AQR: variants seen among roughly 807,000 people sequenced by gnomAD.
AQR encodes the protein aquarius intron-binding spliceosomal factor.
Under a neutral mutation model 180.5 loss-of-function variants are expected in AQR, and 61 were observed. The ratio of observed to expected loss-of-function variants is 0.34; its 90% CI spans 0.28 to 0.42. The LOEUF is 0.42. Ranked by LOEUF, AQR falls within the 10% of genes least tolerant of loss-of-function variation. The pLI is 1.00. For missense variants in AQR, 1,281 were observed against 1,798.3 expected, an observed-to-expected ratio of 0.71 and a Z score of 5.20; for synonymous variants, 551 against 588.8, an observed-to-expected ratio of 0.94 and a Z score of 0.93.
intron 10 of AQR, among the ~76,000 whole-genome samples, 173 bp from the exon 11 acceptor site, chr15:34,932,607 A>G (rs761902867): frequency 6.6e-6 from 1 of 152,158 alleles, no homozygotes; most frequent in African/African-American, 2.4e-5. Flanking sequence ...AAATAAACCC[A>G]GTGGCAATGT....
rs377443810 is a variant in AQR, at chr15:34,969,663, C to G, written c.-50G>C. ...GTGGAAACTAAAGGACCGCTCTGGG[C>G]AGCGGCAACCCTGGTCCACTTCCCT... On this transcript the variant is annotated 5_prime_UTR_variant, in exon 1 of 35. Coordinates refer to ENST00000156471, the MANE Select transcript of AQR (RefSeq NM_014691.3). 3 of 1,584,330 alleles carry G rather than the reference C, an allele frequency of 1.9e-6. No homozygotes were observed. Among genetic ancestry groups the G allele is most frequent in the Non-Finnish European group, 1.7e-6 (2 of 1,165,288 alleles).
chr15:34,927,356 C>T (rs991246194), intron 12 of AQR, among the ~76,000 whole-genome samples: 9 of 152,018 alleles, frequency 5.9e-5, no homozygotes, highest in African/African-American at 1.2e-4. Context: ...ATAAAGTTGG[C>T]GTTCAGCTTT....
chr15:34,882,787 T>G (rs1052913474), intron 26 of AQR, 148 bp from the exon 27 acceptor site: 7 of 768,810 alleles, frequency 9.1e-6, no homozygotes, highest in Non-Finnish European at 1.3e-5. Context: ...TTCATTATGA[T>G]TTCGGTACTA....
At chr15:34,969,461 GA>G (rs978103157) in intron 1 of AQR, 77 bp downstream of exon 1, 16 of 1,503,824 alleles carry the variant, frequency 1.1e-5, no homozygotes, top group East Asian at 7.0e-5. Context: ...CCTAAATCCT[GA>G]AAAAAAACCC....
chr15:34,936,860 G>T (rs531929033), intron 9 of AQR, among the ~76,000 whole-genome samples: 4 of 152,144 alleles, frequency 2.6e-5, no homozygotes, highest in Admixed American at 6.6e-5. Context: ...CATAGTTAGA[G>T]ATATCAATTT....
At chr15:34,932,000 T>C (rs893086612) in intron 11 of AQR, among the ~76,000 whole-genome samples, 2 of 152,208 alleles carry the variant, frequency 1.3e-5, no homozygotes, top group Non-Finnish European at 2.9e-5. Flanking sequence ...GAAAGAGTCA[T>C]ACTATTGGGG....
intron 1 of AQR, among the ~76,000 whole-genome samples, chr15:34,967,413 T>G (rs2050315543): frequency 6.6e-6 from 1 of 152,234 alleles, no homozygotes; most frequent in Non-Finnish European, 1.5e-5. Context: ...ACCGTTCATC[T>G]GTCTGGTTCT....
intron 3 of AQR, among the ~76,000 whole-genome samples, chr15:34,956,374 G>A (rs1319349508): frequency 6.6e-6 from 1 of 152,148 alleles, no homozygotes; most frequent in African/African-American, 2.4e-5. Flanking sequence ...TTCAAGGCCG[G>A]GTGTGGTGGC....
Position 34,918,254 on chromosome 15 carries a change from A to G in AQR, c.1342+4T>C, listed in dbSNP as rs1329321369. 11 of 1,611,838 alleles carry G rather than the reference A, an allele frequency of 6.8e-6. No homozygotes were observed. The highest frequency in any genetic ancestry group is 1.3e-5 in the African/African-American group (1 of 74,938). On this transcript the variant is annotated splice_donor_region_variant and intron_variant, in intron 15 of 34. Transcript: ENST00000156471. ...ACAGCTGAATCCATACTTCTTTACC[A>G]TACCTTCTCCAGAATAGTACTCAGT...
At chr15:34,882,395 TATAAA>T (rs1892983819) in intron 27 of AQR, 102 bp downstream of exon 27, 4 of 1,217,390 alleles carry the variant, frequency 3.3e-6, no homozygotes, top group Admixed American at 3.4e-5. Context: ...ATCATCCACT[TATAAA>T]AGAAACATTT....
At chr15:34,937,610 G>A (rs142025968) in intron 9 of AQR, among the ~76,000 whole-genome samples, 1,638 of 152,266 alleles carry the variant, frequency 0.011, 19 homozygotes, top group Non-Finnish European at 0.017. Context: ...TTGGCCAAGC[G>A]TGGTGGCTCA....
intron 5 of AQR, among the ~76,000 whole-genome samples, chr15:34,946,806 G>A (rs1894132475): frequency 6.6e-6 from 1 of 150,666 alleles, no homozygotes; most frequent in Non-Finnish European, 1.5e-5. Context: ...CGGGAAGTGA[G>A]GGGCGTCTCT....
chr15:34,948,453 A>T, intron 4 of AQR, 69 bp from the exon 5 acceptor site: 1 of 1,506,662 alleles, frequency 6.6e-7, no homozygotes, highest in Non-Finnish European at 8.9e-7. Flanking sequence ...TAACTCACCC[A>T]GAAAAGCATA....
intron 11 of AQR, 118 bp downstream of exon 11, chr15:34,932,200 C>G: frequency 1.3e-6 from 1 of 778,370 alleles, no homozygotes; most frequent in Non-Finnish European, 2.1e-6. Flanking sequence ...TATATTAAGA[C>G]ATGACTTTAA....
Position 34,882,489 on chromosome 15 carries a change from C to CG in AQR, c.3165+12_3165+13insC. 1 of 1,444,332 alleles carries CG rather than the reference C, an allele frequency of 6.9e-7. No individual in the cohort carries two copies. Among genetic ancestry groups the CG allele is most frequent in the South Asian group, 1.5e-5 (1 of 66,950 alleles). 89.5% of individuals were successfully genotyped at this position (1,444,332 alleles called of 1,614,324 possible). A position where few individuals can be genotyped will look rare whatever the true frequency, so the allele number is the denominator to read the frequency against. ...TTAAAAAAAAAAAAAAAAAAACTAC[C>CG]ATAAGTCTTTACCTTGAAACCTAGC... On this transcript the variant is annotated intron_variant, in intron 27 of 34. Transcript: ENST00000156471.
At chr15:34,909,930 G>C (rs752008285) in intron 17 of AQR, among the ~76,000 whole-genome samples, 15 of 152,090 alleles carry the variant, frequency 9.9e-5, no homozygotes, top group Non-Finnish European at 2.1e-4. Context: ...AAAGTATTAA[G>C]ATACCTAAAT....
chr15:34,886,776 A>C, intron 24 of AQR, 115 bp from the exon 25 acceptor site: 2 of 1,055,460 alleles, frequency 1.9e-6, no homozygotes, highest in Non-Finnish European at 2.7e-6. Flanking sequence ...AAACTAGAAG[A>C]TATGGCTTCT....
At chr15:34,957,804 AAAAT>A (rs1430864331) in intron 3 of AQR, among the ~76,000 whole-genome samples, 2 of 151,328 alleles carry the variant, frequency 1.3e-5, no homozygotes, top group African/African-American at 4.8e-5. Context: ...AAAAAACAAA[AAAAT>A]TAAAAAATAA....
intron 1 of AQR, 148 bp downstream of exon 1, chr15:34,969,391 C>T: frequency 1.2e-6 from 1 of 859,088 alleles, no homozygotes; most frequent in Non-Finnish European, 1.9e-6. Context: ...CGGCACGGAG[C>T]TGATACTCAG....
Sources: allele counts gnomAD v4.1 joint callset (sites outside exome capture counted in the v4.1 genomes callset), GRCh38; gene constraint gnomAD v4.1.1; transcripts MANE v1.5; gene names NCBI Gene and HGNC (gene_info 2026-07-23, HGNC 2026-07-21).